RHOF: variants seen among roughly 807,000 people sequenced by gnomAD.
RHOF encodes rho-related GTP-binding protein RhoF.
Under a neutral mutation model 22.2 loss-of-function variants are expected in RHOF, and 21 were observed. The ratio of observed to expected loss-of-function variants is 0.95; its 90% CI spans 0.67 to 1.36. The LOEUF (loss-of-function observed/expected upper bound fraction) is 1.36, where lower values mean the gene tolerates loss of function less well. RHOF is among the 40% of genes most tolerant of loss of function. RHOF has a pLI of 0.00. For synonymous variants in RHOF, 135 were observed against 131.2 expected, an observed-to-expected ratio of 1.03 and a Z score of -0.20; for missense variants, 285 against 293.7, an observed-to-expected ratio of 0.97 and a Z score of 0.22.
intron 4 of RHOF, 200 bp downstream of exon 4, chr12:121,780,672 C>T: frequency 1.6e-6 from 1 of 632,858 alleles, no homozygotes; most frequent in Admixed American, 3.3e-5. Context: ...CAGCGCCTGC[C>T]TCCGAGTCCT....
chr12:121,779,852 G>A (rs567971650), intron 4 of RHOF, 190 bp from the exon 5 acceptor site: 30 of 619,976 alleles, frequency 4.8e-5, no homozygotes, highest in South Asian at 1.2e-4. Context: ...AGTGCAGCCC[G>A]CAGGTTGGAA....
intron 2 of RHOF, among the ~76,000 whole-genome samples, chr12:121,785,891 T>C (rs1056858581): frequency 7.4e-5 from 11 of 149,400 alleles, no homozygotes; most frequent in Non-Finnish European, 1.2e-4. Flanking sequence ...GGATTACAGG[T>C]GTGAGCCACG....
In RHOF at chr12:121,779,578, G is replaced by GGAAGACGTCCTCCAC; in HGVS notation, c.541_555dup (p.Val181_Phe185dup). ...CTGAGAGCCACCTTGGCGGCCTCCC[G>GGAAGACGTCCTCCAC]GAAGACGTCCTCCACATTCTCCCGA... On this transcript the variant is annotated inframe_insertion, in exon 5 of 5. Coordinates refer to ENST00000267205, the MANE Select transcript of RHOF (RefSeq NM_019034.3). 1 of 1,614,132 alleles carries GGAAGACGTCCTCCAC rather than the reference G, an allele frequency of 6.2e-7. No individual in the cohort carries two copies.
Position 121,779,519 on chromosome 12 carries a change from G to A in RHOF, c.615C>T (p.Arg205=), listed in dbSNP as rs1333440244. 6.2e-7 allele frequency: 1 copy of A among 1,612,800 alleles called. No homozygotes were observed. The highest frequency in any genetic ancestry group is 1.7e-5 in the Admixed American group (1 of 60,026). The change falls in exon 5 of 5, where the codon CGC becomes CGT. Residue 205 remains arginine, a synonymous_variant. Coordinates refer to ENST00000267205, the MANE Select transcript of RHOF (RefSeq NM_019034.3). Reference sequence around the variant, plus strand: ...TGGGTCAGAGCAGCAGGCAGAGCCGGCGCTTCTTCTGCCGTTGCGCCTTCT... The same window carrying A: ...TGGGTCAGAGCAGCAGGCAGAGCCGACGCTTCTTCTGCCGTTGCGCCTTCT... ...ALKKAQRQKK[R]RLCLLL
chr12:121,789,626 G>A (rs1874711178), intron 2 of RHOF, among the ~76,000 whole-genome samples: 1 of 152,136 alleles, frequency 6.6e-6, no homozygotes, highest in Non-Finnish European at 1.5e-5. Context: ...ACTCTGCTGG[G>A]GGCCGCCCAC....
chr12:121,791,776 G>A lies in RHOF; in HGVS notation c.226+1376C>T, dbSNP rs541684682. Among the ~76,000 whole-genome samples the A allele has an allele frequency of 2.6e-5, 4 of 152,236 alleles. No homozygotes were observed. In the East Asian group the frequency reaches 5.8e-4, roughly 22 times the overall value. ...GATAGGGGAGGCCCTGATGGCAGAG[G>A]AGGAGGAAAGAAAAAACCTCCTGAC... On this transcript the variant is annotated intron_variant, in intron 2 of 4. Coordinates refer to ENST00000267205, the MANE Select transcript of RHOF (RefSeq NM_019034.3).
intron 2 of RHOF, among the ~76,000 whole-genome samples, chr12:121,791,376 G>T (rs771395391): frequency 6.6e-6 from 1 of 152,132 alleles, no homozygotes; most frequent in Non-Finnish European, 1.5e-5. Flanking sequence ...TAATCCTCAT[G>T]ACCCTCTTAG....
chr12:121,792,378 C>G (rs146829929), intron 2 of RHOF, among the ~76,000 whole-genome samples: 2 of 152,344 alleles, frequency 1.3e-5, no homozygotes, highest in Non-Finnish European at 2.9e-5. Flanking sequence ...CTCCCACTGA[C>G]TGTTTCTCCT....
chr12:121,793,206 C>T lies in RHOF; in HGVS notation c.172G>A (p.Ala58Thr). 2 of 1,550,940 alleles carry T rather than the reference C, an allele frequency of 1.3e-6. No individual in the cohort carries two copies. The highest frequency in any genetic ancestry group is 1.7e-6 in the Non-Finnish European group (2 of 1,146,868). The change falls in exon 2 of 5, where the codon GCC becomes ACC. Residue 58 changes from alanine to threonine, a missense_variant. Transcript: ENST00000267205. Reference sequence around the variant, plus strand: ...TCCTTGCTGCCAACGGTCACGCTGGCCGTGTACTTCTCGAACACCGATGGG... The same window carrying T: ...TCCTTGCTGCCAACGGTCACGCTGGTCGTGTACTTCTCGAACACCGATGGG... ...YAPSVFEKYTASVTVGSKEVT... is the reference protein window; with the variant it reads ...YAPSVFEKYTTSVTVGSKEVT...
intron 2 of RHOF, among the ~76,000 whole-genome samples, chr12:121,792,736 A>G (rs1874795307): frequency 6.6e-6 from 1 of 152,168 alleles, no homozygotes; most frequent in Non-Finnish European, 1.5e-5. Flanking sequence ...GCATCCCAGA[A>G]CCACAGGACC....
In RHOF at chr12:121,779,231, G is replaced by A; in HGVS notation, c.*267C>T. On this transcript the variant is annotated 3_prime_UTR_variant, in exon 5 of 5. Transcript: ENST00000267205. ...CTGGGGAGACACTCGTGGTGGGGGTGGCTGTGATGAGGGCACTTGCGAGTC... is the reference window on the plus strand; with the variant it reads ...CTGGGGAGACACTCGTGGTGGGGGTAGCTGTGATGAGGGCACTTGCGAGTC... 1.9e-6 allele frequency: 1 copy of A among 515,726 alleles called. No homozygotes were observed. The highest frequency in any genetic ancestry group is 3.5e-6 in the Non-Finnish European group (1 of 284,234). The allele number at this position is 515,726 out of a possible 1,614,324, so 31.9% of individuals were successfully genotyped here. A position where few individuals can be genotyped will look rare whatever the true frequency, so the allele number is the denominator to read the frequency against.
At chr12:121,781,470 CTT>C in intron 2 of RHOF, 1 of 386,748 alleles carries the variant, frequency 2.6e-6, no homozygotes, top group Non-Finnish European at 4.8e-6. Flanking sequence ...GACCCTGTCT[CTT>C]AACAACAAAA....
intron 4 of RHOF, chr12:121,780,443 C>T (rs1874407531): frequency 3.5e-6 from 1 of 283,704 alleles, no homozygotes. Context: ...CCCCATGCCT[C>T]ACCCAAAGAG....
intron 2 of RHOF, among the ~76,000 whole-genome samples, chr12:121,790,947 C>G (rs1170271705): frequency 6.6e-6 from 1 of 152,144 alleles, no homozygotes; most frequent in African/African-American, 2.4e-5. Context: ...GATCTTGACT[C>G]ACTGCAATTT....
chr12:121,789,335 C>G (rs191442693), intron 2 of RHOF, among the ~76,000 whole-genome samples: 16 of 152,236 alleles, frequency 1.1e-4, no homozygotes, highest in Middle Eastern at 3.4e-3. Flanking sequence ...AGCCGCCCAT[C>G]GTCCTGACGT....
At chr12:121,781,229 C>T in intron 2 of RHOF, 37 bp from the exon 3 acceptor site, 7 of 1,588,134 alleles carry the variant, frequency 4.4e-6, no homozygotes, top group Non-Finnish European at 6.0e-6. Context: ...GGGGACGTCC[C>T]CTCCCTGTCT....
chr12:121,780,699 C>A, intron 4 of RHOF, 173 bp downstream of exon 4: 1 of 710,790 alleles, frequency 1.4e-6, no homozygotes, highest in South Asian at 1.9e-5. Context: ...TGGGAGTAGT[C>A]GTGTAAAGTG....
chr12:121,790,167 C>T (rs1267210754), intron 2 of RHOF, among the ~76,000 whole-genome samples: 1 of 152,244 alleles, frequency 6.6e-6, no homozygotes, highest in Non-Finnish European at 1.5e-5. Flanking sequence ...ACGGGCCTTC[C>T]ACGAGGGCCC....
chr12:121,793,207 C>A lies in RHOF; in HGVS notation c.171G>T (p.Thr57=). 1 of 1,550,928 alleles carries A rather than the reference C, an allele frequency of 6.4e-7. No individual in the cohort carries two copies. ...HYAPSVFEKY[T]ASVTVGSKEV... ...CCTTGCTGCCAACGGTCACGCTGGC[C>A]GTGTACTTCTCGAACACCGATGGGG... Residue 57 remains threonine (T), a synonymous_variant, in exon 2 of 5, where the codon ACG becomes ACT. Transcript: ENST00000267205.
Sources: allele counts gnomAD v4.1 joint callset (sites outside exome capture counted in the v4.1 genomes callset), GRCh38; gene constraint gnomAD v4.1.1; transcripts MANE v1.5; gene names NCBI Gene and HGNC (gene_info 2026-07-23, HGNC 2026-07-21).